The following ASIC2 variants were observed in gnomAD, a reference collection of about 807,000 sequenced individuals.
The protein encoded by ASIC2 is acid-sensing ion channel 2.
In ASIC2, 25 loss-of-function variants were observed where a neutral mutation model predicts 57.3. The observed-to-expected ratio is 0.44, with a 90% CI of 0.32 to 0.61. The LOEUF (loss-of-function observed/expected upper bound fraction) is 0.61. Ranked by LOEUF, ASIC2 falls within the 20% of genes least tolerant of loss-of-function variation. ASIC2 has a pLI of 0.06. For missense variants in ASIC2, 641 were observed against 738.1 expected (o/e 0.87, Z 1.52); for synonymous variants, 319 against 307.5 (o/e 1.04, Z -0.39).
chr17:33,928,113 G>GT (rs201894002), intron 1 of ASIC2, among the ~76,000 whole-genome samples: 1 of 152,004 alleles, frequency 6.6e-6, no homozygotes, highest in African/African-American at 2.4e-5. Context: ...TAGCTTTTTG[G>GT]TTTTTTTCCC....
intron 1 of ASIC2, among the ~76,000 whole-genome samples, chr17:33,816,170 A>AGGGGG (rs35521850): frequency 1.2e-4 from 14 of 119,852 alleles, no homozygotes; most frequent in South Asian, 3.8e-4. Flanking sequence ...CACCAACTGA[A>AGGGGG]GGGGGGGCGG....
Position 34,156,562 on chromosome 17 carries a change from T to A in ASIC2, c.-30A>T. The stretch of plus-strand genomic sequence containing the variant: ...ACCCCGTGCAGTTCCGCAACTGGCT[T>A]CAGGTTGATCGAATTTCAGAGAAGA... On this transcript the variant is annotated 5_prime_UTR_variant, in exon 1 of 10. Transcript: ENST00000359872. This position sits in a 1 kb window ranked among gnomAD's most constrained non-coding sequence, Gnocchi z 4.4. The A allele has an allele frequency of 6.5e-7, 1 of 1,543,404 alleles. No individual in the cohort carries two copies. Among genetic ancestry groups the A allele is most frequent in the Non-Finnish European group, 8.8e-7 (1 of 1,142,514 alleles).
rs776266524 is a variant in ASIC2, at chr17:33,015,952, A to G, written c.1590+19T>C. ...AGCCAGAGCAGCAGAACAACTTCCA[A>G]TCAGTGAGCTGCTCTTACCACATTC... On this transcript the variant is annotated intron_variant, in intron 9 of 9. Transcript: ENST00000225823. 14 of 1,613,660 alleles carry G rather than the reference A, an allele frequency of 8.7e-6. No homozygotes were observed. Among genetic ancestry groups the G allele is most frequent in the Admixed American group, 6.7e-5 (4 of 59,990 alleles).
intron 1 of ASIC2, among the ~76,000 whole-genome samples, chr17:33,538,728 G>A (rs1915315025): frequency 6.6e-6 from 1 of 152,190 alleles, no homozygotes; most frequent in South Asian, 2.1e-4. Flanking sequence ...CCTGTGGAAT[G>A]GAATTAATTC....
At chr17:34,128,603 C>T (rs1270988912) in intron 1 of ASIC2, among the ~76,000 whole-genome samples, 3 of 152,208 alleles carry the variant, frequency 2.0e-5, no homozygotes, top group African/African-American at 7.2e-5. Context: ...GCTCTGCCTA[C>T]CCCACATTTA....
chr17:33,799,443 T>TTTCTTTCTTTCTTTCTTTCTTTCTTTC (rs1912053020), intron 1 of ASIC2, among the ~76,000 whole-genome samples: 1 of 78,530 alleles, frequency 1.3e-5, no homozygotes, highest in Non-Finnish European at 2.7e-5. Flanking sequence ...TCTTTCTTTC[T>TTTCTTTCTTTCTTTCTTTCTTTCTTTC]TTCTTTCTTT....
chr17:33,805,662 T>G (rs1414215170), intron 1 of ASIC2, among the ~76,000 whole-genome samples: 1 of 152,340 alleles, frequency 6.6e-6, no homozygotes, highest in South Asian at 2.1e-4. Flanking sequence ...TTAAATATAC[T>G]CTGCCACCAA....
chr17:33,213,916 C>T (rs1192172504), intron 1 of ASIC2, among the ~76,000 whole-genome samples: 2 of 152,182 alleles, frequency 1.3e-5, no homozygotes, highest in East Asian at 3.9e-4. Flanking sequence ...AAGATATGAT[C>T]AATAACCCAG....
chr17:33,948,105 A>G (rs1904441891), intron 1 of ASIC2, among the ~76,000 whole-genome samples: 1 of 152,176 alleles, frequency 6.6e-6, no homozygotes, highest in Non-Finnish European at 1.5e-5. Context: ...TTTCCACTGT[A>G]CTGTGCTAGG....
rs78562052 is a variant in ASIC2 at position 33,147,800 on chromosome 17, A to G, written c.709-35733T>C. ...ACCGTGGCACATCCATCACTTTTAA[A>G]TGCTTGCAACAAGCCTGTGGACCCC... is the stretch of plus-strand genomic sequence containing the variant. On this transcript the variant is annotated intron_variant, in intron 1 of 9. Transcript: ENST00000225823. Among the ~76,000 whole-genome samples the G allele has an allele frequency of 1.7e-3, 257 of 152,296 alleles. 3 individuals are homozygous for G. Among genetic ancestry groups the G allele is most frequent in the South Asian group, 0.016 (77 of 4,826 alleles).
At chr17:33,579,801 A>C (rs879533712) in intron 1 of ASIC2, among the ~76,000 whole-genome samples, 1 of 151,990 alleles carries the variant, frequency 6.6e-6, no homozygotes, top group Non-Finnish European at 1.5e-5. Context: ...CACCGTGAAA[A>C]ACACCCCTTG....
At chr17:33,895,181 T>TA (rs398030690) in intron 1 of ASIC2, among the ~76,000 whole-genome samples, 1 of 151,088 alleles carries the variant, frequency 6.6e-6, no homozygotes, top group Non-Finnish European at 1.5e-5. Context: ...TTTTTTTTTT[T>TA]AGATGGAGTC....
chr17:33,736,442 C>G (rs896127755), intron 1 of ASIC2, among the ~76,000 whole-genome samples: 1 of 152,168 alleles, frequency 6.6e-6, no homozygotes, highest in Non-Finnish European at 1.5e-5. Flanking sequence ...GCCACTGTAT[C>G]TGCTGCTGAA....
intron 1 of ASIC2, among the ~76,000 whole-genome samples, chr17:33,467,752 T>C (rs1328924131): frequency 6.6e-6 from 1 of 152,190 alleles, no homozygotes; most frequent in East Asian, 1.9e-4. Flanking sequence ...ACCTATGACC[T>C]GGAAGCAGAT....
intron 1 of ASIC2, among the ~76,000 whole-genome samples, chr17:33,929,080 T>C (rs774806519): frequency 6.6e-6 from 1 of 152,146 alleles, no homozygotes; most frequent in Non-Finnish European, 1.5e-5. Flanking sequence ...AAGAACGCTA[T>C]TTGAGTTGCT....
chr17:33,476,548 T>C (rs1390233826), intron 1 of ASIC2, among the ~76,000 whole-genome samples: 1 of 31,876 alleles, frequency 3.1e-5, no homozygotes. Context: ...TACAGGGGTG[T>C]GTGTGTGTGT....
At chr17:34,055,164 C>T (rs1908720203) in intron 1 of ASIC2, among the ~76,000 whole-genome samples, 1 of 152,224 alleles carries the variant, frequency 6.6e-6, no homozygotes, top group Non-Finnish European at 1.5e-5. Context: ...ATAGCACAGG[C>T]TTCACTCTGT....
At chr17:33,133,347 G>C (rs1180753430) in intron 1 of ASIC2, among the ~76,000 whole-genome samples, 3 of 152,174 alleles carry the variant, frequency 2.0e-5, no homozygotes, top group East Asian at 3.8e-4. Context: ...TTGCAGGGGA[G>C]GCTGTGGAGG....
intron 1 of ASIC2, among the ~76,000 whole-genome samples, chr17:33,712,635 G>GTTTT (rs1567695931): frequency 2.7e-4 from 33 of 123,310 alleles, no homozygotes; most frequent in African/African-American, 1.0e-3. Flanking sequence ...TACTCATATG[G>GTTTT]CTTTTTTTTT....
Sources: allele counts gnomAD v4.1 joint callset (sites outside exome capture counted in the v4.1 genomes callset), GRCh38; gene constraint gnomAD v4.1.1; non-coding constraint Gnocchi (gnomAD v3.1); transcripts MANE v1.5; gene names NCBI Gene and HGNC (gene_info 2026-07-23, HGNC 2026-07-21).